PSMD12: variants seen among roughly 807,000 people sequenced by gnomAD.
PSMD12 encodes the protein proteasome 26S subunit, non-ATPase 12, also known as 26S proteasome non-ATPase regulatory subunit 12.
PSMD12 carries 8 observed loss-of-function variants against 62.9 expected under a neutral mutation model. That is an observed-to-expected ratio of 0.13 (90% CI 0.07 to 0.23). PSMD12 has a LOEUF of 0.23. Among genes scored for constraint, PSMD12 ranks in the 10% least tolerant of loss-of-function variants. The pLI is 1.00. For synonymous variants in PSMD12, 173 were observed against 187.4 expected, an observed-to-expected ratio of 0.92 and a Z score of 0.63; for missense variants, 424 against 550.2, an observed-to-expected ratio of 0.77 and a Z score of 2.29.
At chr17:67,354,403 C>CA (rs879834619) in intron 3 of PSMD12, among the ~76,000 whole-genome samples, 233 of 120,360 alleles carry the variant, frequency 1.9e-3, no homozygotes, top group African/African-American at 3.4e-3. Context: ...GAGACTGTTT[C>CA]AAAAAAAAAA....
chr17:67,342,133 G>T, intron 10 of PSMD12, 53 bp downstream of exon 10: 2 of 1,263,120 alleles, frequency 1.6e-6, no homozygotes, highest in Non-Finnish European at 2.3e-6. Context: ...ATTTTTACAA[G>T]TCAACATTCA....
At chr17:67,361,157 T>TA (rs1319407621) in intron 1 of PSMD12, 2 of 152,220 alleles carry the variant, frequency 1.3e-5, no homozygotes, top group Non-Finnish European at 2.9e-5. Flanking sequence ...GTAAATGATG[T>TA]AAGCGACTAA....
chr17:67,355,157 A>C (rs1199801445), intron 3 of PSMD12, among the ~76,000 whole-genome samples: 1 of 149,484 alleles, frequency 6.7e-6, no homozygotes, highest in East Asian at 2.0e-4. Flanking sequence ...CAATGGCACA[A>C]TCTCGGCTCA....
intron 3 of PSMD12, among the ~76,000 whole-genome samples, chr17:67,354,334 T>C (rs2042046753): frequency 6.6e-6 from 1 of 151,756 alleles, no homozygotes; most frequent in African/African-American, 2.4e-5. Flanking sequence ...TGCTTGAGCC[T>C]ATGAGATTGA....
chr17:67,366,303 G>A, intron 1 of PSMD12, 109 bp downstream of exon 1: 2 of 1,060,052 alleles, frequency 1.9e-6, no homozygotes, highest in Non-Finnish European at 2.7e-6. Context: ...GGGCTGGACA[G>A]GCATTGGGGG....
chr17:67,345,119 T>G (rs1012166586), intron 8 of PSMD12, among the ~76,000 whole-genome samples: 1 of 152,324 alleles, frequency 6.6e-6, no homozygotes, highest in South Asian at 2.1e-4. Context: ...TTCACAAGTA[T>G]GTATTTCTGA....
chr17:67,357,913 C>A (rs551337507), intron 1 of PSMD12, among the ~76,000 whole-genome samples: 12 of 145,638 alleles, frequency 8.2e-5, no homozygotes, highest in Admixed American at 2.1e-4. Flanking sequence ...TGTGGTAACA[C>A]CTGTTTATCT....
intron 3 of PSMD12, among the ~76,000 whole-genome samples, chr17:67,351,599 G>A (rs1190934034): frequency 1.3e-5 from 2 of 151,838 alleles, no homozygotes; most frequent in African/African-American, 2.4e-5. Context: ...TTTTATTTTA[G>A]ATTCAGGGGG....
chr17:67,356,385 C>T (rs1029691006), intron 3 of PSMD12, among the ~76,000 whole-genome samples: 129 of 150,192 alleles, frequency 8.6e-4, no homozygotes, highest in Non-Finnish European at 2.7e-4. Flanking sequence ...GGTGAAACCC[C>T]GTCTCTACTA....
rs754392401 is a variant in PSMD12 at position 67,347,171 on chromosome 17, T to C, written c.740A>G (p.Tyr247Cys). 1.6e-5 allele frequency: 26 copies of C among 1,613,526 alleles called. No homozygotes were observed. The highest frequency in any genetic ancestry group is 4.2e-6 in the Non-Finnish European group (5 of 1,179,694). Residue 247 changes from tyrosine (Y) to cysteine (C), a missense_variant, in exon 7 of 11, where the codon TAC becomes TGC. Physicochemically the swap from Tyr to Cys is radical, Grantham distance 194 (BLOSUM62 -2). Coordinates refer to ENST00000356126, the MANE Select transcript of PSMD12 (RefSeq NM_002816.5). Reference sequence around the variant, plus strand: ...ACAGGGAGTATCATATATTGCTCTGTAGTGCTTACAAATAGACAAATAGGA... The same window carrying C: ...ACAGGGAGTATCATATATTGCTCTGCAGTGCTTACAAATAGACAAATAGGA... Reference protein sequence around the residue: ...EGSYLSICKHYRAIYDTPCIQ... With the variant: ...EGSYLSICKHCRAIYDTPCIQ...
At position 67,348,594 on chromosome 17, in the gene PSMD12, T is replaced by C. The variant is rs1262681596; in HGVS notation, c.466A>G (p.Asn156Asp). Residue 156 changes from asparagine to aspartate, a missense_variant, in exon 5 of 11, where the codon AAT (asparagine) becomes GAT (aspartate). Physicochemically the swap from Asn to Asp is conservative, Grantham distance 23. Coordinates refer to ENST00000356126, the MANE Select transcript of PSMD12 (RefSeq NM_002816.5). ...TKTLATIKEQ[N>D]GDVKEAASIL... Reference sequence around the variant, plus strand: ...GAGGCTGCCTCTTTCACATCACCATTTTGTTCTTTTATAGTTGCTAATGTT... The same window carrying C: ...GAGGCTGCCTCTTTCACATCACCATCTTGTTCTTTTATAGTTGCTAATGTT... 3.7e-6 allele frequency: 6 copies of C among 1,613,908 alleles called. No homozygotes were observed. Among genetic ancestry groups the C allele is most frequent in the Non-Finnish European group, 5.1e-6 (6 of 1,179,994 alleles).
At chr17:67,341,202 C>T (rs1225258413) in intron 10 of PSMD12, 150 bp from the exon 11 acceptor site, 4 of 625,726 alleles carry the variant, frequency 6.4e-6, no homozygotes, top group Non-Finnish European at 1.0e-5. Flanking sequence ...GGTGTGGTGG[C>T]TCACACCTGT....
Position 67,344,627 on chromosome 17 carries a change from C to T in PSMD12, c.1062G>A (p.Leu354=), listed in dbSNP as rs1242854443. ...TTACATGTTCAACAACTCTGTTCTT[C>T]AAGTCTTTCCACCTTTTTTCACCTT... is the stretch of plus-strand genomic sequence containing the variant. ...TEEGEKRWKD[L]KNRVVEHNIR... is the part of the protein sequence containing the mutation. Residue 354 remains leucine (L), a synonymous_variant, in exon 9 of 11, where the codon TTG becomes TTA. Transcript: ENST00000356126. The T allele has an allele frequency of 1.2e-6, 2 of 1,610,892 alleles. No homozygotes were observed. The highest frequency in any genetic ancestry group is 1.7e-6 in the Non-Finnish European group (2 of 1,178,128).
intron 1 of PSMD12, among the ~76,000 whole-genome samples, chr17:67,359,081 A>C (rs2042105681): frequency 6.6e-6 from 1 of 152,190 alleles, no homozygotes; most frequent in African/African-American, 2.4e-5. Flanking sequence ...TTGGCCAGGC[A>C]TGGTGTCTCA....
chr17:67,362,664 AAAAAAAAAAACAAAAAAAACCC>A (rs2042143208), intron 1 of PSMD12: 1 of 148,288 alleles, frequency 6.7e-6, no homozygotes, highest in South Asian at 2.1e-4. Context: ...TCCATCTCAA[AAAAAAAAAAACAAAAAAAACCC>A]AAAAAAAAAA....
At chr17:67,341,771 T>C (rs1276904986) in intron 10 of PSMD12, among the ~76,000 whole-genome samples, 1 of 152,166 alleles carries the variant, frequency 6.6e-6, no homozygotes, top group African/African-American at 2.4e-5. Context: ...GACAAGACAC[T>C]TGACTTCTAA....
Position 67,341,981 on chromosome 17 carries a change from T to C in PSMD12, c.1161+205A>G, listed in dbSNP as rs146304053. 1.5e-3 allele frequency among the ~76,000 whole-genome samples: 224 copies of C among 152,336 alleles called. 1 individual carries two copies. The highest frequency in any genetic ancestry group is 5.1e-3 in the African/African-American group (213 of 41,584). On this transcript the variant is annotated intron_variant, in intron 10 of 10. Transcript: ENST00000356126. ...TATGCATTTTGTCAACATAGAAACA[T>C]GGACCTAAAGACAACACTGTTCCAA...
chr17:67,358,557 G>A (rs1188015196), intron 1 of PSMD12, among the ~76,000 whole-genome samples: 5 of 83,394 alleles, frequency 6.0e-5, no homozygotes, highest in South Asian at 8.5e-4. Context: ...GACAGAGTGA[G>A]AACCTGTCTC....
chr17:67,353,005 G>C (rs2042032431), intron 3 of PSMD12, among the ~76,000 whole-genome samples: 1 of 152,208 alleles, frequency 6.6e-6, no homozygotes, highest in South Asian at 2.1e-4. Flanking sequence ...AAAAAGCATA[G>C]TGGATATATG....
Sources: allele counts gnomAD v4.1 joint callset (sites outside exome capture counted in the v4.1 genomes callset), GRCh38; gene constraint gnomAD v4.1.1; transcripts MANE v1.5; gene names NCBI Gene and HGNC (gene_info 2026-07-23, HGNC 2026-07-21).